UBR4: variants seen among roughly 807,000 people sequenced by gnomAD.
UBR4 encodes ubiquitin protein ligase E3 component n-recognin 4, also known as E3 ubiquitin-protein ligase UBR4.
In UBR4, 124 loss-of-function variants were observed where a neutral mutation model predicts 575.6. The ratio of observed to expected loss-of-function variants is 0.22; its 90% CI spans 0.19 to 0.25. The LOEUF (loss-of-function observed/expected upper bound fraction) is 0.25, where lower values mean the gene tolerates loss of function less well. UBR4 is among the 10% of genes least tolerant of loss of function. The pLI is 1.00. For synonymous variants in UBR4, 2,455 were observed against 2,473.7 expected (o/e 0.99, Z 0.22); for missense variants, 4,818 against 6,478.8 (o/e 0.74, Z 8.80).
intron 61 of UBR4, 65 bp from the exon 62 acceptor site, chr1:19,128,383 G>C (rs1055767027): frequency 4.6e-5 from 64 of 1,385,966 alleles, no homozygotes; most frequent in Non-Finnish European, 6.1e-5. Context: ...GAAATACGGG[G>C]TGTTTCAGAA....
intron 81 of UBR4, among the ~76,000 whole-genome samples, chr1:19,109,049 G>A (rs76333397): frequency 0.018 from 2,701 of 152,308 alleles, 84 homozygotes; most frequent in African/African-American, 0.062. Context: ...AGAGTGCCCC[G>A]TGCTGCCTTT....
rs764465668 is a variant in UBR4 at position 19,095,629 on chromosome 1, G to A, written c.13542C>T (p.Tyr4514=). ...GCCGGTTGACTTTCACCTTCACGCA[G>A]TAACTGAACAATTTCAGTAGCACCT... ...LLTVLLKLFS[Y]CVKVKVNRQQ... The change falls in exon 93 of 106, where the codon TAC becomes TAT. Residue 4514 remains tyrosine (Y), a synonymous_variant. Transcript: ENST00000375254. The A allele has an allele frequency of 1.9e-6, 3 of 1,614,054 alleles. No individual in the cohort carries two copies. In the South Asian group the frequency reaches 3.3e-5, roughly 18 times the overall value.
At chr1:19,159,766 T>A (rs1157904851) in intron 39 of UBR4, among the ~76,000 whole-genome samples, 1 of 150,656 alleles carries the variant, frequency 6.6e-6, no homozygotes, top group Admixed American at 6.6e-5. Flanking sequence ...CCAAGCTAAA[T>A]TTTTTGTGTG....
At chr1:19,081,258 G>A in intron 103 of UBR4, 91 bp downstream of exon 103, 2 of 1,135,380 alleles carry the variant, frequency 1.8e-6, no homozygotes, top group Admixed American at 2.3e-5. Context: ...CACAAAGCAT[G>A]CCTTCACCTA....
rs1345075051 is a variant in UBR4 at position 19,139,925 on chromosome 1, A to G, written c.8594-705T>C. On this transcript the variant is annotated intron_variant, in intron 58 of 105. Coordinates refer to ENST00000375254, the MANE Select transcript of UBR4 (RefSeq NM_020765.3). The surrounding 1 kb of genome is among the most constrained non-coding windows in gnomAD (Gnocchi z 4.2). Reference sequence around the variant, plus strand: ...CTGGATGAGATACATGGGGGAGGAAAGCCAAGACAGCCACAGAGCACAGCG... The same window carrying G: ...CTGGATGAGATACATGGGGGAGGAAGGCCAAGACAGCCACAGAGCACAGCG... 6.6e-6 allele frequency among the ~76,000 whole-genome samples: 1 copy of G among 152,158 alleles called. No homozygotes were observed. Among genetic ancestry groups the G allele is most frequent in the Non-Finnish European group, 1.5e-5 (1 of 68,022 alleles).
rs78699423 is a variant in UBR4 at position 19,110,022 on chromosome 1, C to G, written c.12105+74G>C. ...AGGCAAAGCGGAGACCATGAGGAGGCAGGGCACACTGCCAGGGAATGAGGA... is the reference window on the plus strand; with the variant it reads ...AGGCAAAGCGGAGACCATGAGGAGGGAGGGCACACTGCCAGGGAATGAGGA... On this transcript the variant is annotated intron_variant, in intron 81 of 105. Transcript: ENST00000375254. This position sits in a 1 kb window ranked among gnomAD's most constrained non-coding sequence, Gnocchi z 4.5. 5.0e-6 allele frequency: 8 copies of G among 1,599,574 alleles called. No individual in the cohort carries two copies. The Admixed American group carries it at 5.0e-5, about 10-fold the overall frequency.
At chr1:19,101,459 C>A in intron 88 of UBR4, 61 bp downstream of exon 88, 2 of 1,547,740 alleles carry the variant, frequency 1.3e-6, no homozygotes, top group Non-Finnish European at 1.8e-6. Context: ...CACCAAGAGG[C>A]TTCATGGCAA....
At chr1:19,137,853 T>G (rs1472061457) in intron 60 of UBR4, among the ~76,000 whole-genome samples, 154 bp downstream of exon 60, 1 of 152,234 alleles carries the variant, frequency 6.6e-6, no homozygotes. Flanking sequence ...GAGCACTTCC[T>G]AAGACTTTAA....
At position 19,115,538 on chromosome 1, in the gene UBR4, C is replaced by T; in HGVS notation, c.10923G>A (p.Met3641Ile). ...LPLPIVASNLMIEFADFYENY... is the reference protein window; with the variant it reads ...LPLPIVASNLIIEFADFYENY... Reference sequence around the variant, plus strand: ...TTTCATAGAAGTCTGCAAACTCAATCATCAGATTGGAGGCCACAATGGGCA... The same window carrying T: ...TTTCATAGAAGTCTGCAAACTCAATTATCAGATTGGAGGCCACAATGGGCA... Residue 3641 changes from methionine (M) to isoleucine (I), a missense_variant, in exon 74 of 106, where the codon ATG becomes ATA. Around this residue, in one of 29 missense-constraint regions of UBR4, gnomAD observed 550 missense variants for 791.5 expected, o/e 0.69. Transcript: ENST00000375254. The T allele has an allele frequency of 6.2e-7, 1 of 1,614,214 alleles. No individual in the cohort carries two copies. Among genetic ancestry groups the T allele is most frequent in the Non-Finnish European group, 8.5e-7 (1 of 1,180,030 alleles).
intron 11 of UBR4, among the ~76,000 whole-genome samples, chr1:19,189,033 G>A (rs967672150): frequency 6.6e-6 from 1 of 151,876 alleles, no homozygotes; most frequent in Admixed American, 6.6e-5. Flanking sequence ...CAAGGCAAAG[G>A]ACATAAGGCA....
chr1:19,193,130 A>C (rs900080602), intron 9 of UBR4, among the ~76,000 whole-genome samples: 3 of 152,152 alleles, frequency 2.0e-5, no homozygotes, highest in African/African-American at 7.2e-5. Context: ...CACTATCGGA[A>C]ATTTTCCTGT....
Position 19,117,762 on chromosome 1 carries a change from G to C in UBR4, c.10629+61C>G, listed in dbSNP as rs1310994436. ...TCTATGTGATAATGATCCATCTCTGGAAACAAGAATCCCACTGGACCTATT... is the reference window on the plus strand; with the variant it reads ...TCTATGTGATAATGATCCATCTCTGCAAACAAGAATCCCACTGGACCTATT... On this transcript the variant is annotated intron_variant, in intron 72 of 105. Transcript: ENST00000375254. The surrounding 1 kb of genome is among the most constrained non-coding windows in gnomAD (Gnocchi z 4.0). 6.7e-7 allele frequency: 1 copy of C among 1,486,234 alleles called. No individual in the cohort carries two copies. The highest frequency in any genetic ancestry group is 9.4e-7 in the Non-Finnish European group (1 of 1,067,372). The allele number at this position is 1,486,234 out of a possible 1,614,324, so 92.1% of individuals were successfully genotyped here.
In UBR4 at chr1:19,173,263, G is replaced by A. The variant is rs371815996; in HGVS notation, c.3209C>T (p.Ser1070Leu). Residue 1070 changes from serine (S) to leucine (L), a missense_variant, in exon 24 of 106, where the codon TCG (serine) becomes TTG (leucine). Physicochemically the swap from Ser to Leu is moderately radical, Grantham distance 145. This residue lies in a region of UBR4 where 1,172 missense variants were observed against 1,259.7 expected (regional missense o/e 0.93). Transcript: ENST00000375254. ...AGTGGTGGATGCCAGTTCTAGAAGC[G>A]AGCTAGCATGCTCAGCCTTCATTCC... ...KQGMKAEHAS[S>L]LLELASTTKC... 7.1e-5 allele frequency: 114 copies of A among 1,614,148 alleles called. 1 individual carries two copies. In the South Asian group the frequency reaches 7.4e-4, roughly 10 times the overall value.
intron 90 of UBR4, among the ~76,000 whole-genome samples, chr1:19,097,983 C>A (rs6702423): frequency 0.67 from 101,636 of 152,086 alleles, 34,755 homozygotes; most frequent in East Asian, 0.81. Context: ...AGGAAAGTTC[C>A]CTGTATGTCT....
intron 67 of UBR4, 45 bp downstream of exon 67, chr1:19,121,889 C>CTGAA: frequency 6.2e-7 from 1 of 1,608,814 alleles, no homozygotes; most frequent in African/African-American, 1.3e-5. Context: ...TTAACAGTTC[C>CTGAA]TGAATGAATG....
rs537220168 is a variant in UBR4 at position 19,074,555 on chromosome 1, C to T, written c.*277G>A. 2.1e-4 allele frequency: 106 copies of T among 495,686 alleles called. 1 individual carries two copies. The Middle Eastern group carries it at 4.4e-3, about 20-fold the overall frequency. The allele number at this position is 495,686 out of a possible 1,614,324, so 30.7% of individuals were successfully genotyped here. A position where few individuals can be genotyped will look rare whatever the true frequency, so the allele number is the denominator to read the frequency against. ...ACTTGTTTATTTCTCAAGATGTGCA[C>T]ACTCAAGTATGAAGCTGGCCGGGAC... On this transcript the variant is annotated 3_prime_UTR_variant, in exon 106 of 106. Transcript: ENST00000375254.
chr1:19,208,158 C>A (rs1037852416), intron 1 of UBR4, among the ~76,000 whole-genome samples: 1 of 152,198 alleles, frequency 6.6e-6, no homozygotes, highest in Non-Finnish European at 1.5e-5. Flanking sequence ...GCTCCAAAAA[C>A]CAGAAGACTT....
In UBR4 at chr1:19,129,069, T is replaced by C; in HGVS notation, c.8912A>G (p.His2971Arg). The C allele has an allele frequency of 6.2e-7, 1 of 1,614,026 alleles. No homozygotes were observed. The highest frequency in any genetic ancestry group is 8.5e-7 in the Non-Finnish European group (1 of 1,179,932). The stretch of plus-strand genomic sequence containing the variant: ...CTCCAACAGCATTAGACGGACCATG[T>C]GCAGCCTAAAAGGGTGGGGAAAAGA... ...EGDVHTSNRL[H>R]MVRLMLLERL... Residue 2971 changes from histidine to arginine, a missense_variant, in exon 61 of 106, where the codon CAC becomes CGC. His to Arg is a conservative substitution (Grantham distance 29). Transcript: ENST00000375254.
intron 102 of UBR4, among the ~76,000 whole-genome samples, chr1:19,083,761 C>G (rs539488957): frequency 1.6e-4 from 25 of 152,298 alleles, no homozygotes; most frequent in Admixed American, 1.5e-3. Context: ...CTCAAGCAAT[C>G]CTCTTACCTT....
Sources: gnomAD v4.1 joint callset for allele counts (sites outside exome capture counted in the v4.1 genomes callset) on GRCh38, gnomAD v4.1.1 for gene constraint, gnomAD v4.1.1 regional missense constraint, Gnocchi (gnomAD v3.1) non-coding constraint, MANE v1.5 for transcripts, NCBI Gene and HGNC (gene_info 2026-07-23, HGNC 2026-07-21) for gene names.